NELL1: variants seen among roughly 807,000 people sequenced by gnomAD.
NELL1 encodes the protein protein kinase C-binding protein NELL1.
Under a neutral mutation model 107.4 loss-of-function variants are expected in NELL1, and 76 were observed. The observed-to-expected ratio is 0.71, with a 90% CI of 0.59 to 0.86. The LOEUF (loss-of-function observed/expected upper bound fraction) is 0.86, where lower values mean the gene tolerates loss of function less well. NELL1 is among the 40% of genes least tolerant of loss of function. The pLI, the probability that NELL1 is intolerant of heterozygous loss-of-function variation, is 0.00. For missense variants in NELL1, 1,024 were observed against 1,005.5 expected (o/e 1.02, Z -0.25); for synonymous variants, 353 against 341.2 (o/e 1.03, Z -0.38).
At chr11:21,256,627 G>A (rs1234112333) in intron 14 of NELL1, among the ~76,000 whole-genome samples, 2 of 152,032 alleles carry the variant, frequency 1.3e-5, no homozygotes, top group Non-Finnish European at 2.9e-5. Context: ...GCTCACTTTT[G>A]TTAAGATGTG....
In NELL1 at chr11:21,115,203, A is replaced by G. The variant is rs7928812; in HGVS notation, c.1426+1489A>G. Among the ~76,000 whole-genome samples, 202 of 152,102 alleles carry G rather than the reference A, an allele frequency of 1.3e-3. 1 individual carries two copies. The highest frequency in any genetic ancestry group is 4.6e-3 in the African/African-American group (193 of 41,540). Reference sequence around the variant, plus strand: ...TGTTATCTTAAGAACTGGCTCCACAATTACTTTTAGAAAGGGAACTATGTG... The same window carrying G: ...TGTTATCTTAAGAACTGGCTCCACAGTTACTTTTAGAAAGGGAACTATGTG... On this transcript the variant is annotated intron_variant, in intron 13 of 19. Coordinates refer to ENST00000357134, the MANE Select transcript of NELL1 (RefSeq NM_006157.5).
intron 12 of NELL1, among the ~76,000 whole-genome samples, chr11:21,059,646 A>G (rs1451255420): frequency 2.0e-5 from 3 of 152,174 alleles, no homozygotes; most frequent in African/African-American, 4.8e-5. Context: ...TTAACGTAAT[A>G]TGACTTAATT....
intron 14 of NELL1, among the ~76,000 whole-genome samples, chr11:21,271,843 T>C (rs528446507): frequency 2.6e-4 from 40 of 152,266 alleles, no homozygotes; most frequent in Non-Finnish European, 5.0e-4. Flanking sequence ...TTTGAATTGA[T>C]GTGTTCAGCA....
At chr11:21,410,977 G>A (rs1852362671) in intron 15 of NELL1, among the ~76,000 whole-genome samples, 1 of 151,902 alleles carries the variant, frequency 6.6e-6, no homozygotes, top group African/African-American at 2.4e-5. Context: ...AATATAGCCT[G>A]GCCAGTTTGT....
chr11:21,038,594 T>C (rs907844822), intron 12 of NELL1, among the ~76,000 whole-genome samples: 1 of 152,210 alleles, frequency 6.6e-6, no homozygotes, highest in Non-Finnish European at 1.5e-5. Flanking sequence ...CAAACGCCAC[T>C]GCCAATAGAA....
chr11:21,013,808 G>A (rs540677990), intron 12 of NELL1, among the ~76,000 whole-genome samples: 81 of 152,026 alleles, frequency 5.3e-4, no homozygotes, highest in Non-Finnish European at 9.0e-4. Context: ...TATCTGTTCG[G>A]TATCCCATTC....
intron 12 of NELL1, among the ~76,000 whole-genome samples, chr11:21,073,362 G>T (rs980734375): frequency 4.6e-5 from 7 of 152,130 alleles, no homozygotes; most frequent in African/African-American, 1.7e-4. Flanking sequence ...AAAAATACAG[G>T]TATACACCAA....
chr11:20,910,738 C>A (rs1310910213), intron 5 of NELL1, among the ~76,000 whole-genome samples: 3 of 152,212 alleles, frequency 2.0e-5, no homozygotes, highest in Non-Finnish European at 4.4e-5. Flanking sequence ...TCAGAACTAG[C>A]TCTCATTCAG....
chr11:20,962,437 A>G (rs558883488), intron 12 of NELL1, among the ~76,000 whole-genome samples: 1 of 152,308 alleles, frequency 6.6e-6, no homozygotes, highest in Non-Finnish European at 1.5e-5. Flanking sequence ...AACCTCAAAA[A>G]CAATGTGAAT....
At chr11:20,678,275 A>G (rs1277738256) in intron 2 of NELL1, among the ~76,000 whole-genome samples, 2 of 152,126 alleles carry the variant, frequency 1.3e-5, no homozygotes, top group Non-Finnish European at 2.9e-5. Context: ...GCAGTGAAAT[A>G]TTTCCTTGAT....
At chr11:21,342,037 C>A (rs539346635) in intron 14 of NELL1, among the ~76,000 whole-genome samples, 1 of 152,108 alleles carries the variant, frequency 6.6e-6, no homozygotes, top group Non-Finnish European at 1.5e-5. Flanking sequence ...AATGAGTTGT[C>A]GATAGCAATA....
chr11:21,135,148 T>A (rs1414370728), intron 13 of NELL1, among the ~76,000 whole-genome samples: 1 of 152,250 alleles, frequency 6.6e-6, no homozygotes, highest in African/African-American at 2.4e-5. Context: ...TGATATTTAC[T>A]GCTTTCTCTT....
At chr11:21,143,754 G>A (rs1438588625) in intron 13 of NELL1, among the ~76,000 whole-genome samples, 4 of 152,124 alleles carry the variant, frequency 2.6e-5, no homozygotes, top group African/African-American at 9.7e-5. Flanking sequence ...GTGACCATTG[G>A]TTATTTTTCT....
At chr11:21,338,191 G>A (rs970364028) in intron 14 of NELL1, among the ~76,000 whole-genome samples, 17 of 152,122 alleles carry the variant, frequency 1.1e-4, no homozygotes, top group Admixed American at 3.3e-4. Context: ...ATGCAATTTC[G>A]ACAGGTGTTG....
At chr11:20,708,401 A>G (rs1170807490) in intron 2 of NELL1, among the ~76,000 whole-genome samples, 1 of 152,122 alleles carries the variant, frequency 6.6e-6, no homozygotes, top group African/African-American at 2.4e-5. Context: ...AAATGCAGAA[A>G]TCACCCGTCT....
chr11:20,968,752 C>T (rs7934911), intron 12 of NELL1, among the ~76,000 whole-genome samples: 3,096 of 152,258 alleles, frequency 0.02, 103 homozygotes, highest in African/African-American at 0.07. Context: ...AACCATGATT[C>T]AGGGACCCTG....
chr11:21,122,185 A>G (rs1377025820), intron 13 of NELL1, among the ~76,000 whole-genome samples: 1 of 152,182 alleles, frequency 6.6e-6, no homozygotes, highest in African/African-American at 2.4e-5. Context: ...GAACAAACCT[A>G]TTAAGTACTG....
At chr11:21,098,934 T>A (rs928541769) in intron 12 of NELL1, among the ~76,000 whole-genome samples, 1 of 142,090 alleles carries the variant, frequency 7.0e-6, no homozygotes, top group Non-Finnish European at 1.5e-5. Flanking sequence ...AAAGGAGTGA[T>A]CTCAGCATTT....
At chr11:21,447,042 C>T (rs1853449542) in intron 15 of NELL1, among the ~76,000 whole-genome samples, 1 of 152,148 alleles carries the variant, frequency 6.6e-6, no homozygotes, top group African/African-American at 2.4e-5. Context: ...TGTCTCTTCC[C>T]ATGTCTGCCA....
Sources: gnomAD v4.1 joint callset for allele counts (sites outside exome capture counted in the v4.1 genomes callset) on GRCh38, gnomAD v4.1.1 for gene constraint, MANE v1.5 for transcripts, NCBI Gene and HGNC (gene_info 2026-07-23, HGNC 2026-07-21) for gene names.